The following GLMN variants were observed in gnomAD, a reference collection of about 807,000 sequenced individuals.
The protein encoded by GLMN is glomulin.
Under a neutral mutation model 87.8 loss-of-function variants are expected in GLMN, and 75 were observed. That is an observed-to-expected ratio of 0.85 (90% CI 0.71 to 1.04). GLMN has a LOEUF of 1.04. GLMN is among the 50% of genes least tolerant of loss of function. The probability of loss-of-function intolerance (pLI) is 0.00; values close to 1 mark genes in which losing one functional copy is unlikely to be tolerated. For synonymous variants in GLMN, 206 were observed against 221.6 expected (o/e 0.93, Z 0.63); for missense variants, 588 against 658.8 (o/e 0.89, Z 1.18).
intron 16 of GLMN, among the ~76,000 whole-genome samples, chr1:92,256,909 A>G (rs1430261046): frequency 1.3e-5 from 2 of 151,942 alleles, no homozygotes; most frequent in African/African-American, 2.4e-5. Flanking sequence ...GCTCAGGGCA[A>G]TCAGGCAAGA....
At chr1:92,253,289 C>A (rs1021029721) in intron 16 of GLMN, among the ~76,000 whole-genome samples, 1 of 152,182 alleles carries the variant, frequency 6.6e-6, no homozygotes, top group Non-Finnish European at 1.5e-5. Flanking sequence ...ATAGATAAAA[C>A]TTCCATCTCC....
the GLMN span, among the ~76,000 whole-genome samples, chr1:92,364,683 G>A: frequency 1.3e-5 from 2 of 151,974 alleles, no homozygotes; most frequent in Non-Finnish European, 2.9e-5. Flanking sequence ...AGTCCTTTTA[G>A]TTCTGTATAC....
the GLMN span, among the ~76,000 whole-genome samples, chr1:92,359,931 G>A: frequency 4.6e-4 from 70 of 152,268 alleles, no homozygotes; most frequent in Non-Finnish European, 8.8e-4. Context: ...CAGACACTTT[G>A]AGCACCAACT....
At chr1:92,335,036 C>A in the GLMN span, among the ~76,000 whole-genome samples, 1 of 152,014 alleles carries the variant, frequency 6.6e-6, no homozygotes, top group South Asian at 2.1e-4. Context: ...GGGGCTACTA[C>A]TCAGGAGGCT....
At chr1:92,338,648 ATT>A in the GLMN span, among the ~76,000 whole-genome samples, 260 of 142,646 alleles carry the variant, frequency 1.8e-3, no homozygotes, top group Admixed American at 1.9e-3. Flanking sequence ...CTGATCATTG[ATT>A]TTTTTTTTTT....
At chr1:92,281,458 T>A (rs1648040651) in intron 7 of GLMN, among the ~76,000 whole-genome samples, 1 of 151,978 alleles carries the variant, frequency 6.6e-6, no homozygotes, top group Admixed American at 6.6e-5. Context: ...TTACAAAAGC[T>A]CCTGAAGGAT....
the GLMN span, among the ~76,000 whole-genome samples, chr1:92,327,924 G>C: frequency 6.6e-6 from 1 of 152,030 alleles, no homozygotes; most frequent in Non-Finnish European, 1.5e-5. Flanking sequence ...CCTTAGTTTC[G>C]CTGGATACAA....
At chr1:92,302,499 A>G (rs995764112), upstream of GLMN, among the ~76,000 whole-genome samples, 1 of 151,516 alleles carries the variant, frequency 6.6e-6, no homozygotes, top group South Asian at 2.1e-4. Flanking sequence ...ATTTTTGTCA[A>G]TGTAATTTCA....
rs1350554086 is a variant in GLMN, at chr1:92,274,891, AC to A, written c.736-3240del. On this transcript the variant is annotated intron_variant, in intron 7 of 18. Coordinates refer to ENST00000370360, the MANE Select transcript of GLMN (RefSeq NM_053274.3). Reference sequence around the variant, plus strand: ...TGACCTACCTAGGCATTCCCTCCTAACCCCCCTTCTTTCCCTATCCAACCTG... The same window carrying A: ...TGACCTACCTAGGCATTCCCTCCTAACCCCCTTCTTTCCCTATCCAACCTG... 6.6e-5 allele frequency among the ~76,000 whole-genome samples: 10 copies of A among 151,442 alleles called. No homozygotes were observed. The East Asian group carries it at 9.7e-4, about 15-fold the overall frequency.
At chr1:92,353,007 T>G in the GLMN span, among the ~76,000 whole-genome samples, 1 of 152,264 alleles carries the variant, frequency 6.6e-6, no homozygotes, top group East Asian at 1.9e-4. Flanking sequence ...TCATCCATTT[T>G]GTAGCATGTA....
chr1:92,314,394 A>T, the GLMN span, among the ~76,000 whole-genome samples: 1 of 150,396 alleles, frequency 6.6e-6, no homozygotes, highest in African/African-American at 2.5e-5. Flanking sequence ...ATTTATTCTA[A>T]GTTGCATACA....
At chr1:92,253,713 C>T (rs935611819) in intron 16 of GLMN, among the ~76,000 whole-genome samples, 2 of 152,150 alleles carry the variant, frequency 1.3e-5, no homozygotes, top group African/African-American at 2.4e-5. Flanking sequence ...AAACACAAAG[C>T]AATAGCATTA....
At chr1:92,306,101 A>G in the GLMN span, among the ~76,000 whole-genome samples, 1 of 152,236 alleles carries the variant, frequency 6.6e-6, no homozygotes, top group Non-Finnish European at 1.5e-5. Flanking sequence ...TGAAGATAAT[A>G]TGCTAAGTGA....
the GLMN span, chr1:92,324,099 T>G: frequency 6.2e-7 from 1 of 1,614,160 alleles, no homozygotes. Context: ...ATTATGCTTC[T>G]GTGTGTCTGA....
At chr1:92,355,959 G>A in the GLMN span, among the ~76,000 whole-genome samples, 1 of 152,122 alleles carries the variant, frequency 6.6e-6, no homozygotes, top group South Asian at 2.1e-4. Context: ...AATGCAAAAG[G>A]AGAACGTGGA....
At chr1:92,300,472 T>C (rs1650752261), upstream of GLMN, among the ~76,000 whole-genome samples, 1 of 152,186 alleles carries the variant, frequency 6.6e-6, no homozygotes, top group Non-Finnish European at 1.5e-5. Flanking sequence ...AATGAGTGTC[T>C]GTAGAAGGTG....
chr1:92,360,135 T>TCAGA, the GLMN span, among the ~76,000 whole-genome samples: 82 of 152,338 alleles, frequency 5.4e-4, no homozygotes, highest in Middle Eastern at 3.4e-3. Context: ...GCAGTGTGCC[T>TCAGA]CAGACAGGTA....
chr1:92,348,876 A>C, the GLMN span, among the ~76,000 whole-genome samples: 1 of 152,206 alleles, frequency 6.6e-6, no homozygotes. Flanking sequence ...GCATTTTGTC[A>C]CTGGGGAAAG....
At chr1:92,350,209 C>A in the GLMN span, among the ~76,000 whole-genome samples, 1 of 152,146 alleles carries the variant, frequency 6.6e-6, no homozygotes, top group South Asian at 2.1e-4. Context: ...CATGGAAAGA[C>A]CTTTTAAAGC....
Sources: allele counts gnomAD v4.1 joint callset (sites outside exome capture counted in the v4.1 genomes callset), GRCh38; gene constraint gnomAD v4.1.1; transcripts MANE v1.5; gene names NCBI Gene and HGNC (gene_info 2026-07-23, HGNC 2026-07-21).